Variants in PTPN21 observed in about 807,000 individuals in gnomAD.
PTPN21 encodes tyrosine-protein phosphatase non-receptor type 21.
PTPN21 carries 77 observed loss-of-function variants against 131.8 expected under a neutral mutation model. That is an observed-to-expected ratio of 0.58 (90% CI 0.49 to 0.71). The LOEUF is 0.71. Among genes scored for constraint, PTPN21 ranks in the 30% least tolerant of loss-of-function variants. The probability of loss-of-function intolerance (pLI) is 0.00; values close to 1 mark genes in which losing one functional copy is unlikely to be tolerated. For missense variants in PTPN21, 1,552 were observed against 1,527.1 expected, an observed-to-expected ratio of 1.02 and a Z score of -0.27; for synonymous variants, 715 against 621.3, an observed-to-expected ratio of 1.15 and a Z score of -2.24.
intron 1 of PTPN21, among the ~76,000 whole-genome samples, chr14:88,550,846 G>A (rs1001583160): frequency 6.6e-6 from 1 of 152,132 alleles, no homozygotes; most frequent in Non-Finnish European, 1.5e-5. Context: ...AGCAAACTGG[G>A]CCATCCTCAG....
intron 2 of PTPN21, 106 bp downstream of exon 2, chr14:88,550,132 T>G: frequency 8.3e-7 from 1 of 1,204,316 alleles, no homozygotes; most frequent in Non-Finnish European, 1.2e-6. Flanking sequence ...CAGGCTAGGC[T>G]CGAACTCCTG....
At chr14:88,547,688 T>C (rs1303950794) in intron 2 of PTPN21, 3 of 455,440 alleles carry the variant, frequency 6.6e-6, no homozygotes, top group South Asian at 4.7e-5. Context: ...AGGGACTGGT[T>C]ACTGAGGCCT....
At chr14:88,477,997 G>A (rs2077573862) in intron 13 of PTPN21, among the ~76,000 whole-genome samples, 1 of 152,020 alleles carries the variant, frequency 6.6e-6, no homozygotes, top group South Asian at 2.1e-4. Flanking sequence ...TAACAGAATG[G>A]GCTTCTAAGT....
In PTPN21 at chr14:88,479,200, G is replaced by A; in HGVS notation, c.2231C>T (p.Pro744Leu). Reference protein sequence around the residue: ...EPRPGLAQDPPGCPRVLLAGP... With the variant: ...EPRPGLAQDPLGCPRVLLAGP... Reference sequence around the variant, plus strand: ...GGCGAGCAGGACGCGAGGGCAGCCAGGTGGGTCCTGGGCCAGGCCGGGCCG... The same window carrying A: ...GGCGAGCAGGACGCGAGGGCAGCCAAGTGGGTCCTGGGCCAGGCCGGGCCG... The change falls in exon 13 of 19, where the codon CCT becomes CTT. Residue 744 changes from proline (P) to leucine (L), a missense_variant. Pro to Leu is a moderately conservative substitution (Grantham distance 98, BLOSUM62 -3). Around this residue, in one of 4 missense-constraint regions of PTPN21, gnomAD observed 1,016 missense variants for 883.5 expected, o/e 1.15. Coordinates refer to ENST00000556564, the MANE Select transcript of PTPN21 (RefSeq NM_007039.4). The A allele has an allele frequency of 6.3e-7, 1 of 1,579,458 alleles. No individual in the cohort carries two copies. Among genetic ancestry groups the A allele is most frequent in the Non-Finnish European group, 8.6e-7 (1 of 1,164,662 alleles).
At position 88,475,131 on chromosome 14, in the gene PTPN21, A is replaced by G. The variant is rs1038380821; in HGVS notation, c.2512-1329T>C. On this transcript the variant is annotated intron_variant, in intron 13 of 18. Coordinates refer to ENST00000556564, the MANE Select transcript of PTPN21 (RefSeq NM_007039.4). ...CACTAAGTTTCGTTGGATATACTAC[A>G]CTTCCTTGGATGATATCAATATAAT... Among the ~76,000 whole-genome samples the G allele has an allele frequency of 2.0e-5, 3 of 152,048 alleles. No individual in the cohort carries two copies. The South Asian group carries it at 6.2e-4, about 32-fold the overall frequency.
intron 13 of PTPN21, among the ~76,000 whole-genome samples, chr14:88,477,446 T>TAAAAAAAAA (rs59381948): frequency 1.3e-4 from 10 of 76,342 alleles, no homozygotes; most frequent in East Asian, 1.0e-3. Context: ...AAGACTGTTC[T>TAAAAAAAAA]AAAAAAAAAA....
In PTPN21 at chr14:88,479,250, C is replaced by A. The variant is rs756344360; in HGVS notation, c.2181G>T (p.Ala727=). The change falls in exon 13 of 19, where the codon GCG becomes GCT. Residue 727 remains alanine, a synonymous_variant. Coordinates refer to ENST00000556564, the MANE Select transcript of PTPN21 (RefSeq NM_007039.4). ...EDFEEESGAR[A]PPARAREPRP... ...GAGGCTCGCGCGCACGTGCAGGAGG[C>A]GCCCGGGCCCCGCTCTCCTCCTCGA... is the stretch of plus-strand genomic sequence containing the variant. The A allele has an allele frequency of 6.2e-7, 1 of 1,610,508 alleles. No individual in the cohort carries two copies. Among genetic ancestry groups the A allele is most frequent in the Non-Finnish European group, 8.5e-7 (1 of 1,178,456 alleles).
rs908494709 is a variant in PTPN21, at chr14:88,529,567, G to C, written c.181-12306C>G. On this transcript the variant is annotated intron_variant, in intron 2 of 18. Transcript: ENST00000556564. Reference sequence around the variant, plus strand: ...GGAATAATCAAGAAAAACTTCCCTGGTCTTGCTAGAGATTTAGACATCCAA... The same window carrying C: ...GGAATAATCAAGAAAAACTTCCCTGCTCTTGCTAGAGATTTAGACATCCAA... 2.6e-5 allele frequency among the ~76,000 whole-genome samples: 4 copies of C among 152,114 alleles called. No homozygotes were observed. In the South Asian group the frequency reaches 8.3e-4, roughly 32 times the overall value.
intron 13 of PTPN21, among the ~76,000 whole-genome samples, chr14:88,475,320 C>T (rs1398144631): frequency 6.6e-6 from 1 of 152,142 alleles, no homozygotes; most frequent in Non-Finnish European, 1.5e-5. Flanking sequence ...AAGATTGCTG[C>T]TGTAATTGGA....
At chr14:88,486,561 T>G (rs899314912) in intron 10 of PTPN21, among the ~76,000 whole-genome samples, 3 of 152,138 alleles carry the variant, frequency 2.0e-5, no homozygotes, top group African/African-American at 7.2e-5. Flanking sequence ...ATTTTTTAAA[T>G]CTACATTTCC....
chr14:88,522,376 C>A lies in PTPN21; in HGVS notation c.181-5115G>T, dbSNP rs149110978. Among the ~76,000 whole-genome samples the A allele has an allele frequency of 5.9e-3, 824 of 139,670 alleles. 11 individuals are homozygous for A. The highest frequency in any genetic ancestry group is 0.021 in the African/African-American group (796 of 37,402). 91.6% of individuals were successfully genotyped at this position (139,670 alleles called of 152,430 possible). ...CCAGGAGGTGGAAGTGAGCTGAGAG[C>A]ATGCCACTGTACCACTGCACTCCAG... On this transcript the variant is annotated intron_variant, in intron 2 of 18. Coordinates refer to ENST00000556564, the MANE Select transcript of PTPN21 (RefSeq NM_007039.4).
rs751407395 is a variant in PTPN21 at position 88,480,135 on chromosome 14, G to C, written c.1296C>G (p.Leu432=). The C allele has an allele frequency of 2.5e-6, 4 of 1,614,172 alleles. No individual in the cohort carries two copies. Among genetic ancestry groups the C allele is most frequent in the Non-Finnish European group, 8.5e-7 (1 of 1,180,014 alleles). ...TGSDVMRPDY[L]PSHRHSAVIP... ...TCACGGCGCTGTGCCGATGGGACGG[G>C]AGGTAGTCAGGCCTCATGACGTCAC... Residue 432 remains leucine (L), a synonymous_variant, in exon 13 of 19, where the codon CTC becomes CTG. Coordinates refer to ENST00000556564, the MANE Select transcript of PTPN21 (RefSeq NM_007039.4).
chr14:88,485,883 C>G lies in PTPN21; in HGVS notation c.933-41G>C, dbSNP rs373195228. On this transcript the variant is annotated intron_variant, in intron 10 of 18. Transcript: ENST00000556564. ...ACTCTGAGAAGAGCACATACACACT[C>G]TCTCTTAAATTCTACCAAAACAAGA... 2.4e-6 allele frequency: 3 copies of G among 1,247,918 alleles called. No homozygotes were observed. The African/African-American group carries it at 4.5e-5, about 19-fold the overall frequency. The allele number at this position is 1,247,918 out of a possible 1,614,324, so 77.3% of individuals were successfully genotyped here.
intron 10 of PTPN21, among the ~76,000 whole-genome samples, chr14:88,489,323 A>G (rs934338554): frequency 2.6e-5 from 4 of 152,246 alleles, no homozygotes; most frequent in African/African-American, 7.2e-5. Flanking sequence ...TTGATAAACA[A>G]AAAGATGCCA....
intron 2 of PTPN21, among the ~76,000 whole-genome samples, chr14:88,544,195 A>T (rs1474109704): frequency 6.6e-6 from 1 of 152,050 alleles, no homozygotes; most frequent in Non-Finnish European, 1.5e-5. Flanking sequence ...AAATACAAAA[A>T]TTAGCCAGGA....
chr14:88,482,561 T>C (rs1314336347), intron 12 of PTPN21, among the ~76,000 whole-genome samples: 1 of 151,742 alleles, frequency 6.6e-6, no homozygotes, highest in Non-Finnish European at 1.5e-5. Context: ...GGCAGTGAGC[T>C]AAAATCATGC....
intron 2 of PTPN21, among the ~76,000 whole-genome samples, chr14:88,533,556 CT>C (rs1186572104): frequency 1.3e-5 from 2 of 152,172 alleles, no homozygotes; most frequent in Non-Finnish European, 2.9e-5. Context: ...ATTTATTATA[CT>C]TTTTATTTAG....
chr14:88,546,698 A>T (rs1159608637), intron 2 of PTPN21, among the ~76,000 whole-genome samples: 1 of 152,196 alleles, frequency 6.6e-6, no homozygotes, highest in East Asian at 1.9e-4. Context: ...TCTATATGCG[A>T]TAATTCCAGA....
intron 3 of PTPN21, 67 bp from the exon 4 acceptor site, chr14:88,508,087 C>A: frequency 1.2e-6 from 1 of 832,146 alleles, no homozygotes; most frequent in Non-Finnish European, 1.9e-6. Context: ...ATGCATTTAA[C>A]CATAATTTGG....
Sources: gnomAD v4.1 joint callset for allele counts (sites outside exome capture counted in the v4.1 genomes callset) on GRCh38, gnomAD v4.1.1 for gene constraint, gnomAD v4.1.1 regional missense constraint, MANE v1.5 for transcripts, NCBI Gene and HGNC (gene_info 2026-07-23, HGNC 2026-07-21) for gene names.